Variants in KPNA7 observed in about 807,000 individuals in gnomAD.
KPNA7 encodes the protein karyopherin subunit alpha 7.
A neutral mutation model predicts 53.7 loss-of-function variants in KPNA7; 54 were observed. The observed-to-expected ratio is 1.01, with a 90% CI of 0.81 to 1.26. KPNA7 has a LOEUF of 1.26. KPNA7 is among the 50% of genes most tolerant of loss of function. KPNA7 has a pLI of 0.00. For synonymous variants in KPNA7, 276 were observed against 259.3 expected (o/e 1.06, Z -0.62); for missense variants, 640 against 644.5 (o/e 0.99, Z 0.07).
chr7:99,154,086 G>C, the KPNA7 span, among the ~76,000 whole-genome samples: 1 of 151,374 alleles, frequency 6.6e-6, no homozygotes, highest in African/African-American at 2.4e-5. Flanking sequence ...CAGGGATACA[G>C]AATATTTTTC....
At chr7:99,181,838 GT>G in intron 9 of KPNA7, 44 bp downstream of exon 9, 1 of 1,420,068 alleles carries the variant, frequency 7.0e-7, no homozygotes, top group Non-Finnish European at 9.4e-7. Context: ...CTTGTATCCA[GT>G]TGGAGACAGC....
At chr7:99,207,552 TCATAAGGCTC>T in intron 1 of KPNA7, 63 bp from the exon 2 acceptor site, 3 of 786,586 alleles carry the variant, frequency 3.8e-6, no homozygotes, top group Non-Finnish European at 6.4e-6. Flanking sequence ...TATGTCAGTA[TCATAAGGCTC>T]TAACCCTTAA....
the KPNA7 span, among the ~76,000 whole-genome samples, chr7:99,149,096 T>C: frequency 6.6e-6 from 1 of 152,060 alleles, no homozygotes; most frequent in South Asian, 2.1e-4. Flanking sequence ...GGAGATGATA[T>C]TTCACCATGT....
At chr7:99,163,927 AC>A in the KPNA7 span, among the ~76,000 whole-genome samples, 1,774 of 152,172 alleles carry the variant, frequency 0.012, 34 homozygotes, top group African/African-American at 0.041. Flanking sequence ...GCAAATCAAA[AC>A]CACAATGAGA....
intron 7 of KPNA7, among the ~76,000 whole-genome samples, chr7:99,187,279 C>A (rs1789642907): frequency 6.6e-6 from 1 of 152,076 alleles, no homozygotes; most frequent in African/African-American, 2.4e-5. Flanking sequence ...GACAGAGAGA[C>A]TCCGTCTCAC....
At chr7:99,159,111 C>T in the KPNA7 span, among the ~76,000 whole-genome samples, 3 of 152,042 alleles carry the variant, frequency 2.0e-5, no homozygotes, top group East Asian at 3.9e-4. Flanking sequence ...GTGATCTGCC[C>T]GCCTCAGGCT....
At chr7:99,198,835 G>A (rs1444258910) in intron 3 of KPNA7, among the ~76,000 whole-genome samples, 3 of 151,966 alleles carry the variant, frequency 2.0e-5, no homozygotes, top group Non-Finnish European at 2.9e-5. Flanking sequence ...AAAACTATTT[G>A]CAAGTGACTT....
the KPNA7 span, among the ~76,000 whole-genome samples, chr7:99,163,075 G>A: frequency 6.6e-6 from 1 of 151,852 alleles, no homozygotes; most frequent in East Asian, 1.9e-4. Flanking sequence ...CAGCTACTCG[G>A]GAAGCTGAGG....
chr7:99,201,600 T>G (rs1790537415), intron 3 of KPNA7, among the ~76,000 whole-genome samples: 1 of 151,090 alleles, frequency 6.6e-6, no homozygotes, highest in African/African-American at 2.4e-5. Flanking sequence ...GAGGCGGAAG[T>G]TGCGGTGAGC....
At chr7:99,162,460 T>G in the KPNA7 span, among the ~76,000 whole-genome samples, 1 of 152,310 alleles carries the variant, frequency 6.6e-6, no homozygotes, top group South Asian at 2.1e-4. Context: ...CCTTCCTTCC[T>G]CTTTGTTGCC....
chr7:99,195,984 G>A (rs902307256), intron 4 of KPNA7, 100 bp downstream of exon 4: 24 of 901,366 alleles, frequency 2.7e-5, no homozygotes, highest in Admixed American at 1.7e-4. Flanking sequence ...CGGGCATGTT[G>A]CCAATGCCAA....
chr7:99,158,430 T>C, the KPNA7 span, among the ~76,000 whole-genome samples: 1 of 152,170 alleles, frequency 6.6e-6, no homozygotes, highest in Non-Finnish European at 1.5e-5. Flanking sequence ...TTTCTATTTT[T>C]GCAATTTTGC....
At chr7:99,153,549 C>CT in the KPNA7 span, among the ~76,000 whole-genome samples, 2 of 117,634 alleles carry the variant, frequency 1.7e-5, no homozygotes, top group South Asian at 5.4e-4. Flanking sequence ...GACACTGTCT[C>CT]AAAAAAAAAA....
the KPNA7 span, among the ~76,000 whole-genome samples, chr7:99,157,953 T>A: frequency 6.6e-6 from 1 of 151,674 alleles, no homozygotes; most frequent in East Asian, 1.9e-4. Context: ...TTTTTTTTGA[T>A]TTTTTGTAGA....
chr7:99,147,775 G>A, the KPNA7 span, among the ~76,000 whole-genome samples: 2 of 148,664 alleles, frequency 1.3e-5, no homozygotes, highest in Non-Finnish European at 3.0e-5. Flanking sequence ...TGGGCGATAA[G>A]AGCAAGACTC....
chr7:99,162,092 C>T, the KPNA7 span, among the ~76,000 whole-genome samples: 1 of 136,928 alleles, frequency 7.3e-6, no homozygotes, highest in Admixed American at 8.3e-5. Flanking sequence ...GTTGCCCAGG[C>T]TGGAGTGCAG....
At chr7:99,173,168 A>G (rs1024119685), downstream of KPNA7, among the ~76,000 whole-genome samples, 1 of 151,762 alleles carries the variant, frequency 6.6e-6, no homozygotes, top group Admixed American at 6.6e-5. Context: ...TTAAAAGGCA[A>G]TTACTAAACA....
At chr7:99,193,535 T>C (rs961361492) in intron 5 of KPNA7, among the ~76,000 whole-genome samples, 4 of 152,222 alleles carry the variant, frequency 2.6e-5, no homozygotes, top group African/African-American at 9.6e-5. Context: ...TTTTAGACCC[T>C]AGAAGTCTAT....
chr7:99,167,986 C>CG, the KPNA7 span, among the ~76,000 whole-genome samples: 1 of 149,984 alleles, frequency 6.7e-6, no homozygotes, highest in African/African-American at 2.5e-5. Flanking sequence ...ACCATTCCCC[C>CG]ACCCCCACAC....
Sources: allele counts gnomAD v4.1 joint callset (sites outside exome capture counted in the v4.1 genomes callset), GRCh38; gene constraint gnomAD v4.1.1; transcripts MANE v1.5; gene names NCBI Gene and HGNC (gene_info 2026-07-23, HGNC 2026-07-21).